Variants in ABTB2 observed in about 807,000 individuals in gnomAD.
ABTB2 encodes ankyrin repeat and BTB domain containing 2.
ABTB2 carries 56 observed loss-of-function variants against 104.1 expected under a neutral mutation model. The observed-to-expected ratio is 0.54, with a 90% confidence interval of 0.43 to 0.67. The LOEUF is 0.67. Among genes scored for constraint, ABTB2 ranks in the 30% least tolerant of loss-of-function variants. The pLI, the probability that ABTB2 is intolerant of heterozygous loss-of-function variation, is 0.00. For missense variants in ABTB2, 1,279 were observed against 1,407.7 expected, an observed-to-expected ratio of 0.91 and a Z score of 1.46; for synonymous variants, 606 against 608.2, an observed-to-expected ratio of 1.00 and a Z score of 0.05.
chr11:34,203,957 C>T (rs1451747727), intron 2 of ABTB2, among the ~76,000 whole-genome samples: 2 of 152,156 alleles, frequency 1.3e-5, no homozygotes, highest in Non-Finnish European at 2.9e-5. Flanking sequence ...AGCTCAGGAG[C>T]TGGCATGGGA....
At chr11:34,181,976 G>A (rs76981800) in intron 3 of ABTB2, among the ~76,000 whole-genome samples, 6,893 of 152,288 alleles carry the variant, frequency 0.045, 537 homozygotes, top group African/African-American at 0.16. Flanking sequence ...GGATCATGCC[G>A]TGAAACACAC....
chr11:34,213,328 A>C (rs1217605954), intron 1 of ABTB2, among the ~76,000 whole-genome samples: 4 of 152,148 alleles, frequency 2.6e-5, no homozygotes, highest in African/African-American at 9.7e-5. Context: ...AAAAATCCAA[A>C]AATTAGCCGG....
chr11:34,335,643 A>G, intron 1 of ABTB2: 1 of 1,454,556 alleles, frequency 6.9e-7, no homozygotes, highest in East Asian at 2.3e-5. Context: ...CCTGAAATTC[A>G]TTCACATATT....
At chr11:34,169,986 C>A (rs1467378177) in intron 5 of ABTB2, among the ~76,000 whole-genome samples, 4 of 152,222 alleles carry the variant, frequency 2.6e-5, no homozygotes, top group Non-Finnish European at 5.9e-5. Context: ...AGAACACTGC[C>A]TTAACTCGCC....
chr11:34,310,496 T>G (rs1348237067), intron 1 of ABTB2, among the ~76,000 whole-genome samples: 2 of 152,140 alleles, frequency 1.3e-5, no homozygotes, highest in Non-Finnish European at 2.9e-5. Flanking sequence ...CATGGTGCCC[T>G]TGTGGGTTTC....
intron 1 of ABTB2, among the ~76,000 whole-genome samples, chr11:34,207,161 A>C (rs1853419008): frequency 6.6e-6 from 1 of 152,252 alleles, no homozygotes. Context: ...ACGACAGGCC[A>C]AACAGCTGGG....
chr11:34,243,604 C>T (rs527302172), intron 1 of ABTB2, among the ~76,000 whole-genome samples: 71 of 152,330 alleles, frequency 4.7e-4, no homozygotes, highest in South Asian at 4.3e-3. Flanking sequence ...CCTAGTCTTA[C>T]GCGATTTTAC....
chr11:34,223,698 C>T (rs557578462), intron 1 of ABTB2, among the ~76,000 whole-genome samples: 1 of 152,296 alleles, frequency 6.6e-6, no homozygotes, highest in African/African-American at 2.4e-5. Flanking sequence ...GCATCAGCCT[C>T]AGCCTCATTA....
At chr11:34,192,954 C>T (rs1883960) in intron 3 of ABTB2, among the ~76,000 whole-genome samples, 39,252 of 152,186 alleles carry the variant, frequency 0.26, 5,684 homozygotes, top group East Asian at 0.47. Flanking sequence ...TGCCTTCCTA[C>T]GTGTCTGCGT....
At chr11:34,170,773 G>T in intron 5 of ABTB2, 133 bp downstream of exon 5, 1 of 1,090,750 alleles carries the variant, frequency 9.2e-7, no homozygotes, top group Non-Finnish European at 1.3e-6. Context: ...CAGGATTCAG[G>T]GAGGTAGCCC....
At chr11:34,325,468 A>G (rs1855058863) in intron 1 of ABTB2, among the ~76,000 whole-genome samples, 1 of 152,192 alleles carries the variant, frequency 6.6e-6, no homozygotes, top group Admixed American at 6.5e-5. Flanking sequence ...CCTCACTTAT[A>G]AGGTGCAGAT....
chr11:34,187,264 A>T (rs920067007), intron 3 of ABTB2, among the ~76,000 whole-genome samples: 1 of 152,238 alleles, frequency 6.6e-6, no homozygotes, highest in Non-Finnish European at 1.5e-5. Flanking sequence ...AGTCCATTGC[A>T]CATAGGCACT....
At chr11:34,264,319 C>T (rs1565154261) in intron 1 of ABTB2, among the ~76,000 whole-genome samples, 1 of 152,166 alleles carries the variant, frequency 6.6e-6, no homozygotes, top group South Asian at 2.1e-4. Context: ...GATTCAATGG[C>T]AGCACATCAG....
At position 34,204,462 on chromosome 11, in the gene ABTB2, A is replaced by C. The variant is rs912980814; in HGVS notation, c.1030+82T>G. On this transcript the variant is annotated intron_variant, in intron 2 of 16. Coordinates refer to ENST00000435224, the MANE Select transcript of ABTB2 (RefSeq NM_145804.3). ...AGGCCAGAGCACTTGGAGGAGGAGG[A>C]GGCGAGCTCTCCCTGCCTTCCCCCA... 4.8e-6 allele frequency: 7 copies of C among 1,460,680 alleles called. No individual in the cohort carries two copies. The African/African-American group carries it at 5.7e-5, about 12-fold the overall frequency. 90.5% of individuals were successfully genotyped at this position (1,460,680 alleles called of 1,614,324 possible). A position where few individuals can be genotyped will look rare whatever the true frequency, so the allele number is the denominator to read the frequency against.
rs1022195778 is a variant in ABTB2, at chr11:34,237,762, G to T, written c.884-33072C>A. Among the ~76,000 whole-genome samples, 3 of 151,990 alleles carry T rather than the reference G, an allele frequency of 2.0e-5. No individual in the cohort carries two copies. The South Asian group carries it at 6.2e-4, about 32-fold the overall frequency. On this transcript the variant is annotated intron_variant, in intron 1 of 16. Coordinates refer to ENST00000435224, the MANE Select transcript of ABTB2 (RefSeq NM_145804.3). ...AAAAATTAGCTGGGCATAGTGGTGG[G>T]CGCCTATAATCCCAGCTACTTGGGA...
At chr11:34,334,806 T>C (rs1855174590) in intron 1 of ABTB2, among the ~76,000 whole-genome samples, 2 of 152,128 alleles carry the variant, frequency 1.3e-5, no homozygotes, top group African/African-American at 4.8e-5. Flanking sequence ...GTGATTTATT[T>C]TTGGAAGAAA....
At chr11:34,274,819 C>T (rs546099178) in intron 1 of ABTB2, among the ~76,000 whole-genome samples, 43 of 152,138 alleles carry the variant, frequency 2.8e-4, no homozygotes, top group African/African-American at 9.6e-4. Flanking sequence ...ATTGCGCAAA[C>T]GTGCCTTGAG....
At chr11:34,256,803 C>G (rs560064647) in intron 1 of ABTB2, among the ~76,000 whole-genome samples, 1 of 152,164 alleles carries the variant, frequency 6.6e-6, no homozygotes, top group East Asian at 1.9e-4. Flanking sequence ...AGGGGACGGA[C>G]GGAGAGCCAC....
intron 1 of ABTB2, among the ~76,000 whole-genome samples, chr11:34,222,169 T>C (rs1853633034): frequency 6.6e-6 from 1 of 152,130 alleles, no homozygotes; most frequent in Admixed American, 6.5e-5. Flanking sequence ...TGATTGGCAA[T>C]TGGTTGAAAG....
Sources: gnomAD v4.1 joint callset for allele counts (sites outside exome capture counted in the v4.1 genomes callset) on GRCh38, gnomAD v4.1.1 for gene constraint, MANE v1.5 for transcripts, NCBI Gene and HGNC (gene_info 2026-07-23, HGNC 2026-07-21) for gene names.